ANXA10: variants seen among roughly 807,000 people sequenced by gnomAD.
ANXA10 encodes annexin A10.
ANXA10 carries 49 observed loss-of-function variants against 53.5 expected under a neutral mutation model. The ratio of observed to expected loss-of-function variants is 0.92; its 90% CI spans 0.73 to 1.16. The LOEUF (loss-of-function observed/expected upper bound fraction) is 1.16, where lower values mean the gene tolerates loss of function less well. ANXA10 is among the 50% of genes most tolerant of loss of function. The pLI, the probability that ANXA10 is intolerant of heterozygous loss-of-function variation, is 0.00. For synonymous variants in ANXA10, 131 were observed against 128.9 expected (o/e 1.02, Z -0.11); for missense variants, 393 against 394.4 (o/e 1.00, Z 0.03).
At chr4:168,116,472 A>C (rs1730895652) in intron 1 of ANXA10, among the ~76,000 whole-genome samples, 1 of 152,146 alleles carries the variant, frequency 6.6e-6, no homozygotes, top group African/African-American at 2.4e-5. Context: ...GTGAACATTT[A>C]TTTCAAGAAA....
chr4:168,133,122 C>T (rs768393139), intron 2 of ANXA10, among the ~76,000 whole-genome samples: 37 of 152,122 alleles, frequency 2.4e-4, no homozygotes, highest in Non-Finnish European at 2.8e-4. Context: ...CATTTTTATG[C>T]TTTGCTTGGT....
chr4:168,108,158 C>T (rs534086585), intron 1 of ANXA10, among the ~76,000 whole-genome samples: 3 of 152,166 alleles, frequency 2.0e-5, no homozygotes, highest in Admixed American at 6.5e-5. Flanking sequence ...GCAGTGAGGA[C>T]GACCAGGGGT....
chr4:168,178,095 T>C (rs1732168526), intron 8 of ANXA10, 112 bp downstream of exon 8: 2 of 956,974 alleles, frequency 2.1e-6, no homozygotes, highest in African/African-American at 3.3e-5. Context: ...GAAAGTCAGT[T>C]ATCTCAAAGG....
chr4:168,117,373 C>A (rs1025558839), intron 1 of ANXA10, among the ~76,000 whole-genome samples: 1 of 152,150 alleles, frequency 6.6e-6, no homozygotes, highest in Non-Finnish European at 1.5e-5. Flanking sequence ...AAAAATACAA[C>A]CTTAAGATTA....
chr4:168,146,813 A>G (rs529383484), intron 3 of ANXA10, among the ~76,000 whole-genome samples: 12 of 152,350 alleles, frequency 7.9e-5, no homozygotes, highest in African/African-American at 2.4e-4. Flanking sequence ...AGTTAACCCA[A>G]AGAGAAGGCT....
intron 6 of ANXA10, among the ~76,000 whole-genome samples, chr4:168,172,781 T>C (rs1427730561): frequency 7.3e-6 from 1 of 136,638 alleles, no homozygotes; most frequent in Non-Finnish European, 1.5e-5. Flanking sequence ...AATGGGTATG[T>C]TGCCATTTTT....
chr4:168,128,689 C>A (rs973225995), intron 2 of ANXA10, among the ~76,000 whole-genome samples: 1 of 152,004 alleles, frequency 6.6e-6, no homozygotes, highest in Non-Finnish European at 1.5e-5. Context: ...TTCAGATGAG[C>A]CTTCCTCTCT....
At chr4:168,184,437 C>A in intron 10 of ANXA10, 122 bp from the exon 11 acceptor site, 1 of 1,155,046 alleles carries the variant, frequency 8.7e-7, no homozygotes. Context: ...GCCAGTGATG[C>A]CAGTGTTGGA....
intron 1 of ANXA10, among the ~76,000 whole-genome samples, chr4:168,125,922 A>G (rs1172381223): frequency 1.3e-5 from 2 of 152,170 alleles, no homozygotes; most frequent in Non-Finnish European, 2.9e-5. Context: ...TATTTTGATT[A>G]CCTTGTGGTA....
At chr4:168,161,184 T>C (rs1316877914) in intron 3 of ANXA10, among the ~76,000 whole-genome samples, 2 of 152,208 alleles carry the variant, frequency 1.3e-5, no homozygotes, top group African/African-American at 2.4e-5. Context: ...AGGTTTTTTA[T>C]AGTTTTGGGT....
At position 168,184,737 on chromosome 4, in the gene ANXA10, A is replaced by C. The variant is rs1560795178; in HGVS notation, c.906+56A>C. On this transcript the variant is annotated intron_variant, in intron 11 of 11. Coordinates refer to ENST00000359299, the MANE Select transcript of ANXA10 (RefSeq NM_007193.5). Reference sequence around the variant, plus strand: ...CCACATTTTCTCCTTTTTGAAACTGAGATAAAAGTTCTCATTCAAATAACT... The same window carrying C: ...CCACATTTTCTCCTTTTTGAAACTGCGATAAAAGTTCTCATTCAAATAACT... 18 of 1,595,740 alleles carry C rather than the reference A, an allele frequency of 1.1e-5. No homozygotes were observed. The East Asian group carries it at 3.6e-4, about 32-fold the overall frequency.
rs1491517178 is a variant in ANXA10, at chr4:168,155,828, TGA to T, written c.196-6699_196-6698del. Among the ~76,000 whole-genome samples, 10 of 19,080 alleles carry T rather than the reference TGA, an allele frequency of 5.2e-4. 1 individual carries two copies. The highest frequency in any genetic ancestry group is 4.9e-3 in the South Asian group (2 of 406). The allele number at this position is 19,080 out of a possible 152,430, so 12.5% of individuals were successfully genotyped here. ...TATATGATATATTATATATGATATA[TGA>T]TATATCATATATAATATAATATATC... On this transcript the variant is annotated intron_variant, in intron 3 of 11. Coordinates refer to ENST00000359299, the MANE Select transcript of ANXA10 (RefSeq NM_007193.5).
chr4:168,120,363 CACCTCAAGTAAA>C (rs1392682286), intron 1 of ANXA10, among the ~76,000 whole-genome samples: 1 of 152,016 alleles, frequency 6.6e-6, no homozygotes, highest in Non-Finnish European at 1.5e-5. Flanking sequence ...GTAAAATTTT[CACCTCAAGTAAA>C]ACATCACTCA....
In ANXA10 at chr4:168,155,801, AATATATGATATATT is replaced by A. The variant is rs1731625972; in HGVS notation, c.196-6713_196-6700del. Among the ~76,000 whole-genome samples the A allele has an allele frequency of 2.3e-4, 3 of 13,174 alleles. 1 individual carries two copies. The highest frequency in any genetic ancestry group is 2.9e-4 in the African/African-American group (1 of 3,410). 8.6% of individuals were successfully genotyped at this position (13,174 alleles called of 152,430 possible). A position where few individuals can be genotyped will look rare whatever the true frequency, so the allele number is the denominator to read the frequency against. On this transcript the variant is annotated intron_variant, in intron 3 of 11. Transcript: ENST00000359299. The stretch of plus-strand genomic sequence containing the variant: ...ATATTATATATTATATATAATATAT[AATATATGATATATT>A]ATATATGATATATGATATATCATAT...
chr4:168,137,392 C>T (rs994647753), intron 2 of ANXA10, among the ~76,000 whole-genome samples: 2 of 152,194 alleles, frequency 1.3e-5, no homozygotes, highest in African/African-American at 4.8e-5. Flanking sequence ...TAGTGAACAT[C>T]ATACCCAATA....
At chr4:168,104,596 C>CT (rs1457152644) in intron 1 of ANXA10, among the ~76,000 whole-genome samples, 1 of 151,812 alleles carries the variant, frequency 6.6e-6, no homozygotes, top group Non-Finnish European at 1.5e-5. Context: ...AAGTTAACTG[C>CT]TTTTCTTGAA....
At chr4:168,093,662 G>T (rs931952457) in intron 1 of ANXA10, among the ~76,000 whole-genome samples, 2 of 152,162 alleles carry the variant, frequency 1.3e-5, no homozygotes, top group African/African-American at 4.8e-5. Flanking sequence ...GGGCGACAGA[G>T]CGAGACTCCA....
chr4:168,170,848 A>G (rs1464330956), intron 6 of ANXA10, among the ~76,000 whole-genome samples: 1 of 152,180 alleles, frequency 6.6e-6, no homozygotes, highest in African/African-American at 2.4e-5. Flanking sequence ...TTAACTCATA[A>G]TAGAAAATGG....
At chr4:168,153,583 TA>T (rs1050427070) in intron 3 of ANXA10, among the ~76,000 whole-genome samples, 2 of 151,488 alleles carry the variant, frequency 1.3e-5, no homozygotes, top group African/African-American at 4.9e-5. Flanking sequence ...TGGGGGACGG[TA>T]GAGAAGGAAA....
Sources: allele counts gnomAD v4.1 joint callset (sites outside exome capture counted in the v4.1 genomes callset), GRCh38; gene constraint gnomAD v4.1.1; transcripts MANE v1.5; gene names NCBI Gene and HGNC (gene_info 2026-07-23, HGNC 2026-07-21).